The following VAPB variants were observed in gnomAD, a reference collection of about 807,000 sequenced individuals.
VAPB encodes vesicle-associated membrane protein-associated protein B/C.
Under a neutral mutation model 25.6 loss-of-function variants are expected in VAPB, and 7 were observed. The observed-to-expected ratio is 0.27, with a 90% CI of 0.16 to 0.51. The LOEUF is 0.51. Among genes scored for constraint, VAPB ranks in the 20% least tolerant of loss-of-function variants. The pLI is 0.97. For missense variants in VAPB, 266 were observed against 301.3 expected (o/e 0.88, Z 0.87); for synonymous variants, 112 against 109.2 (o/e 1.03, Z -0.16).
At position 58,426,011 on chromosome 20, in the gene VAPB, G is replaced by T. The variant is rs1988774899; in HGVS notation, c.211+7648G>T. ...GGGTTCAAATGATTCTTGTGCCTCA[G>T]CTTCCCCAGTAGCTGGGATTACAGG... On this transcript the variant is annotated intron_variant, in intron 2 of 5. Coordinates refer to ENST00000475243, the MANE Select transcript of VAPB (RefSeq NM_004738.5). Among the ~76,000 whole-genome samples, 3 of 152,130 alleles carry T rather than the reference G, an allele frequency of 2.0e-5. No individual in the cohort carries two copies. In the South Asian group the frequency reaches 6.2e-4, roughly 31 times the overall value.
chr20:58,416,053 G>A (rs982818367), intron 1 of VAPB, among the ~76,000 whole-genome samples: 1 of 152,108 alleles, frequency 6.6e-6, no homozygotes, highest in Non-Finnish European at 1.5e-5. Flanking sequence ...TTTCAGTATA[G>A]TTCCCTCCAG....
In VAPB at chr20:58,447,656, G is replaced by A. The variant is rs1568724572; in HGVS notation, c.*3421G>A. ...ATGAATTTGAAAACAGACTCTGTGTGTGTGTGCATGTGTGCATGTGTGCAT... is the reference window on the plus strand; with the variant it reads ...ATGAATTTGAAAACAGACTCTGTGTATGTGTGCATGTGTGCATGTGTGCAT... On this transcript the variant is annotated 3_prime_UTR_variant, in exon 6 of 6. Coordinates refer to ENST00000475243, the MANE Select transcript of VAPB (RefSeq NM_004738.5). The A allele has an allele frequency of 2.2e-6, 1 of 451,242 alleles. No homozygotes were observed. The highest frequency in any genetic ancestry group is 2.4e-5 in the Admixed American group (1 of 42,402). The allele number at this position is 451,242 out of a possible 1,614,324, so 28.0% of individuals were successfully genotyped here.
chr20:58,430,923 A>G (rs1988914021), intron 2 of VAPB: 1 of 152,214 alleles, frequency 6.6e-6, no homozygotes, highest in Non-Finnish European at 1.5e-5. Flanking sequence ...CTGGATGCTC[A>G]TATCTGCTTC....
intron 2 of VAPB, among the ~76,000 whole-genome samples, chr20:58,430,199 A>G (rs1019917260): frequency 3.3e-5 from 5 of 152,014 alleles, no homozygotes; most frequent in Non-Finnish European, 4.4e-5. Flanking sequence ...TAACTTTTCA[A>G]AAAAATTAGG....
At chr20:58,427,817 T>C (rs997219388) in intron 2 of VAPB, among the ~76,000 whole-genome samples, 1 of 151,912 alleles carries the variant, frequency 6.6e-6, no homozygotes, top group Non-Finnish European at 1.5e-5. Flanking sequence ...GAAAGTGATC[T>C]GTGATCTGTT....
chr20:58,423,414 C>CAAAAAAAAAAAAAAAAAAAAAAAA lies in VAPB; in HGVS notation c.211+5063_211+5086dup, dbSNP rs59133081. On this transcript the variant is annotated intron_variant, in intron 2 of 5. Transcript: ENST00000475243. ...GCAACAAGAGAGAAACTCCATCTCACAAAAAAAAAAAAAAAAAAAAAAAAA... is the reference window on the plus strand; with the variant it reads ...GCAACAAGAGAGAAACTCCATCTCACAAAAAAAAAAAAAAAAAAAAAAAAAAAAAAAAAAAAAAAAAAAAAAAAA... Among the ~76,000 whole-genome samples the CAAAAAAAAAAAAAAAAAAAAAAAA allele has an allele frequency of 3.2e-4, 11 of 34,762 alleles. 2 individuals are homozygous for CAAAAAAAAAAAAAAAAAAAAAAAA. The highest frequency in any genetic ancestry group is 3.5e-3 in the South Asian group (2 of 576). 22.8% of individuals were successfully genotyped at this position (34,762 alleles called of 152,430 possible). A position where few individuals can be genotyped will look rare whatever the true frequency, so the allele number is the denominator to read the frequency against.
At chr20:58,403,588 C>G (rs896560322) in intron 1 of VAPB, among the ~76,000 whole-genome samples, 1 of 152,218 alleles carries the variant, frequency 6.6e-6, no homozygotes, top group Non-Finnish European at 1.5e-5. Context: ...GATGAACTGT[C>G]CACCTCTTTA....
chr20:58,428,064 C>T (rs1221262201), intron 2 of VAPB, among the ~76,000 whole-genome samples: 2 of 152,050 alleles, frequency 1.3e-5, no homozygotes, highest in Non-Finnish European at 2.9e-5. Flanking sequence ...CTTGGGTTCT[C>T]AGAAGCAGCA....
intron 5 of VAPB, among the ~76,000 whole-genome samples, chr20:58,443,524 G>A (rs749567632): frequency 2.6e-5 from 4 of 151,514 alleles, no homozygotes; most frequent in Admixed American, 6.6e-5. Flanking sequence ...CTGAGCTCAG[G>A]TGATCCACCC....
intron 1 of VAPB, among the ~76,000 whole-genome samples, chr20:58,410,002 G>A (rs551689346): frequency 1.1e-4 from 16 of 151,640 alleles, no homozygotes; most frequent in Non-Finnish European, 1.5e-4. Flanking sequence ...GGATACTACC[G>A]AAAGTGAATT....
rs1407366258 is a variant in VAPB, at chr20:58,450,415, T to G, written c.*6180T>G. 2.2e-6 allele frequency: 1 copy of G among 454,114 alleles called. No individual in the cohort carries two copies. Among genetic ancestry groups the G allele is most frequent in the East Asian group, 6.9e-5 (1 of 14,396 alleles). The allele number at this position is 454,114 out of a possible 1,614,324, so 28.1% of individuals were successfully genotyped here. ...TGGGCGTGGCTTTTTATATTTTTCA[T>G]TCGTGTGTAGCCTAAGTAAGGTGAC... On this transcript the variant is annotated 3_prime_UTR_variant, in exon 6 of 6. Coordinates refer to ENST00000475243, the MANE Select transcript of VAPB (RefSeq NM_004738.5).
intron 2 of VAPB, among the ~76,000 whole-genome samples, chr20:58,430,107 T>A (rs1173858277): frequency 7.6e-6 from 1 of 132,292 alleles, no homozygotes; most frequent in Non-Finnish European, 1.7e-5. Context: ...ATTTATTATA[T>A]TAAAAATTAA....
intron 1 of VAPB, among the ~76,000 whole-genome samples, chr20:58,413,860 G>C (rs1386896211): frequency 7.3e-6 from 1 of 137,594 alleles, no homozygotes; most frequent in African/African-American, 2.7e-5. Context: ...AGGGCGGCTG[G>C]CCTGGCAGAG....
chr20:58,436,453 C>T (rs927451565), intron 3 of VAPB, among the ~76,000 whole-genome samples: 2 of 151,116 alleles, frequency 1.3e-5, no homozygotes, highest in Non-Finnish European at 2.9e-5. Context: ...CCCACCTCAG[C>T]CTCCCAAGTA....
chr20:58,390,776 C>A (rs940248829), intron 1 of VAPB, among the ~76,000 whole-genome samples: 5 of 152,118 alleles, frequency 3.3e-5, no homozygotes, highest in African/African-American at 1.2e-4. Flanking sequence ...GGGTAACTTA[C>A]CCAAAGTTAC....
At chr20:58,393,225 C>A (rs1340955802) in intron 1 of VAPB, among the ~76,000 whole-genome samples, 1 of 152,094 alleles carries the variant, frequency 6.6e-6, no homozygotes. Context: ...AAGATAGAGT[C>A]TTGCCATGTT....
Position 58,446,891 on chromosome 20 carries a change from T to C in VAPB, c.*2656T>C, listed in dbSNP as rs973825993. On this transcript the variant is annotated 3_prime_UTR_variant, in exon 6 of 6. Transcript: ENST00000475243. ...AGATGCATGCACATTTAGGGTGTTT[T>C]CCCTAGAATTACATAATGAAAAAAA... The C allele has an allele frequency of 2.2e-6, 1 of 454,022 alleles. No individual in the cohort carries two copies. The highest frequency in any genetic ancestry group is 4.4e-6 in the Non-Finnish European group (1 of 226,778). The allele number at this position is 454,022 out of a possible 1,614,324, so 28.1% of individuals were successfully genotyped here. A position where few individuals can be genotyped will look rare whatever the true frequency, so the allele number is the denominator to read the frequency against.
At chr20:58,441,484 T>G (rs943513465) in intron 5 of VAPB, among the ~76,000 whole-genome samples, 1 of 152,046 alleles carries the variant, frequency 6.6e-6, no homozygotes, top group Admixed American at 6.5e-5. Flanking sequence ...TAATAAAAAA[T>G]ACAAAAAATT....
intron 1 of VAPB, among the ~76,000 whole-genome samples, chr20:58,407,519 C>A (rs1007342741): frequency 6.6e-6 from 1 of 151,944 alleles, no homozygotes; most frequent in Non-Finnish European, 1.5e-5. Flanking sequence ...TATAAATACC[C>A]CAGTATGGAG....
Sources: gnomAD v4.1 joint callset for allele counts (sites outside exome capture counted in the v4.1 genomes callset) on GRCh38, gnomAD v4.1.1 for gene constraint, MANE v1.5 for transcripts, NCBI Gene and HGNC (gene_info 2026-07-23, HGNC 2026-07-21) for gene names.